The following ESCO1 variants were observed in gnomAD, a reference collection of about 807,000 sequenced individuals.
The protein encoded by ESCO1 is N-acetyltransferase ESCO1.
ESCO1 carries 33 observed loss-of-function variants against 83.5 expected under a neutral mutation model. That is an observed-to-expected ratio of 0.40 (90% CI 0.30 to 0.53). The LOEUF is 0.53. ESCO1 is among the 20% of genes least tolerant of loss of function. The pLI is 0.63. For synonymous variants in ESCO1, 332 were observed against 324.3 expected, an observed-to-expected ratio of 1.02 and a Z score of -0.25; for missense variants, 855 against 968.0, an observed-to-expected ratio of 0.88 and a Z score of 1.55.
intron 1 of ESCO1, among the ~76,000 whole-genome samples, chr18:21,598,827 A>C (rs919129288): frequency 3.9e-5 from 6 of 152,290 alleles, no homozygotes; most frequent in Admixed American, 2.0e-4. Flanking sequence ...AGCCAGGACA[A>C]ATTTTGGAAT....
chr18:21,540,110 G>T (rs2037886687), intron 8 of ESCO1, 101 bp from the exon 9 acceptor site: 3 of 1,100,358 alleles, frequency 2.7e-6, no homozygotes, highest in South Asian at 3.5e-5. Context: ...ACATCAATTT[G>T]TCTAAAAATT....
At chr18:21,562,874 A>T (rs951642468) in intron 7 of ESCO1, among the ~76,000 whole-genome samples, 44 of 144,002 alleles carry the variant, frequency 3.1e-4, no homozygotes, top group African/African-American at 4.1e-4. Flanking sequence ...CCATGTTATT[A>T]TTTTTTTTTT....
intron 8 of ESCO1, among the ~76,000 whole-genome samples, chr18:21,550,273 C>T (rs2038029242): frequency 6.6e-6 from 1 of 152,156 alleles, no homozygotes; most frequent in African/African-American, 2.4e-5. Context: ...CAACAGTCAT[C>T]AACTTTTTAG....
chr18:21,554,506 C>T (rs1425310929), intron 8 of ESCO1, among the ~76,000 whole-genome samples: 1 of 152,114 alleles, frequency 6.6e-6, no homozygotes, highest in East Asian at 1.9e-4. Flanking sequence ...GTGGCTCATG[C>T]CTATAATGCC....
intron 8 of ESCO1, among the ~76,000 whole-genome samples, chr18:21,541,807 A>G (rs2037911690): frequency 6.6e-6 from 1 of 152,292 alleles, no homozygotes; most frequent in Admixed American, 6.5e-5. Flanking sequence ...AGACCTAAAA[A>G]TGTAAGTAAC....
In ESCO1 at chr18:21,553,940, A is replaced by G. The variant is rs367942981; in HGVS notation, c.1953+6919T>C. On this transcript the variant is annotated intron_variant, in intron 8 of 11. Transcript: ENST00000269214. ...AAAGAACTCTTAAAACTCAATAAGAAAACAGCCTGATTGAAAAATTAAAAT... is the reference window on the plus strand; with the variant it reads ...AAAGAACTCTTAAAACTCAATAAGAGAACAGCCTGATTGAAAAATTAAAAT... Among the ~76,000 whole-genome samples the G allele has an allele frequency of 5.0e-4, 76 of 152,022 alleles. 2 individuals carry two copies. In the South Asian group the frequency reaches 0.015, roughly 31 times the overall value.
At chr18:21,531,562 G>A (rs1486850005) in intron 11 of ESCO1, among the ~76,000 whole-genome samples, 1 of 152,208 alleles carries the variant, frequency 6.6e-6, no homozygotes, top group Non-Finnish European at 1.5e-5. Context: ...GCTCACACCT[G>A]TAATCCCAGC....
At chr18:21,564,413 C>CG (rs2038231397) in intron 6 of ESCO1, 96 bp from the exon 7 acceptor site, 1 of 833,736 alleles carries the variant, frequency 1.2e-6, no homozygotes, top group South Asian at 1.8e-5. Flanking sequence ...TTTTTTGAGA[C>CG]GAAGTCTCAC....
intron 10 of ESCO1, among the ~76,000 whole-genome samples, chr18:21,534,782 A>AT (rs2037812358): frequency 1.3e-5 from 2 of 151,534 alleles, no homozygotes; most frequent in African/African-American, 4.8e-5. Context: ...CACACACCAC[A>AT]TCTGGCTAAT....
intron 2 of ESCO1, among the ~76,000 whole-genome samples, chr18:21,581,116 T>C (rs1210843981): frequency 6.6e-6 from 1 of 152,070 alleles, no homozygotes; most frequent in Non-Finnish European, 1.5e-5. Flanking sequence ...TAAGAGACCA[T>C]CCTGGCTAAC....
chr18:21,563,454 T>C (rs553470596), intron 7 of ESCO1, among the ~76,000 whole-genome samples: 2 of 152,280 alleles, frequency 1.3e-5, no homozygotes, highest in African/African-American at 4.8e-5. Flanking sequence ...TTCATGCGAC[T>C]CTCCTGCCTC....
At position 21,532,589 on chromosome 18, in the gene ESCO1, T is replaced by C. The variant is rs1210908764; in HGVS notation, c.2259A>G (p.Gln753=). The part of the protein sequence containing the change: ...SEEEKVRFER[Q]KAWCCSTLPE... ...GTAATGTTGAGCAGCACCAGGCTTT[T>C]TGCCTTTCAAATCTGACTTTTTCTT... is the stretch of plus-strand genomic sequence containing the variant. The change falls in exon 11 of 12, where the codon CAA becomes CAG. Residue 753 remains glutamine (Q), a synonymous_variant. Coordinates refer to ENST00000269214, the MANE Select transcript of ESCO1 (RefSeq NM_052911.3). 1.2e-6 allele frequency: 2 copies of C among 1,614,178 alleles called. No individual in the cohort carries two copies. Among genetic ancestry groups the C allele is most frequent in the Non-Finnish European group, 1.7e-6 (2 of 1,180,024 alleles).
chr18:21,583,921 T>G (rs1376546055), intron 2 of ESCO1, among the ~76,000 whole-genome samples: 1 of 152,140 alleles, frequency 6.6e-6, no homozygotes, highest in African/African-American at 2.4e-5. Flanking sequence ...TATGGAACCA[T>G]GACGAAGAAA....
At chr18:21,566,897 GAAT>G (rs959893106) in intron 5 of ESCO1, among the ~76,000 whole-genome samples, 1 of 151,136 alleles carries the variant, frequency 6.6e-6, no homozygotes, top group African/African-American at 2.4e-5. Context: ...ATTTTAGTCA[GAAT>G]AATAAAGGCA....
intron 1 of ESCO1, among the ~76,000 whole-genome samples, chr18:21,594,679 G>C (rs899651253): frequency 7.4e-5 from 11 of 147,696 alleles, no homozygotes; most frequent in Non-Finnish European, 1.6e-4. Flanking sequence ...ACTCCAGCCT[G>C]TGCAACTGAG....
chr18:21,535,143 A>G (rs1462937847), intron 10 of ESCO1, among the ~76,000 whole-genome samples: 2 of 152,158 alleles, frequency 1.3e-5, no homozygotes. Context: ...CCAGTGCTAG[A>G]GGGACTAATT....
At chr18:21,572,283 T>C (rs1046594252) in intron 4 of ESCO1, among the ~76,000 whole-genome samples, 1 of 152,208 alleles carries the variant, frequency 6.6e-6, no homozygotes, top group Non-Finnish European at 1.5e-5. Flanking sequence ...GTTTGATCTA[T>C]GTTAGAGTTC....
chr18:21,556,243 G>C (rs1053608299), intron 8 of ESCO1, among the ~76,000 whole-genome samples: 1 of 152,118 alleles, frequency 6.6e-6, no homozygotes, highest in Non-Finnish European at 1.5e-5. Context: ...AACAGAGTAA[G>C]ATCCTGACTC....
At chr18:21,564,511 C>CT (rs2038232539) in intron 6 of ESCO1, among the ~76,000 whole-genome samples, 194 bp from the exon 7 acceptor site, 1 of 151,882 alleles carries the variant, frequency 6.6e-6, no homozygotes, top group Non-Finnish European at 1.5e-5. Flanking sequence ...CTGCCTCAGC[C>CT]TCCTGAGTAG....
Sources: gnomAD v4.1 joint callset for allele counts (sites outside exome capture counted in the v4.1 genomes callset) on GRCh38, gnomAD v4.1.1 for gene constraint, MANE v1.5 for transcripts, NCBI Gene and HGNC (gene_info 2026-07-23, HGNC 2026-07-21) for gene names.